Variants in FBLL1 observed in about 807,000 individuals in gnomAD.
FBLL1 encodes RNA 2'-O-methyltransferase FBLL1.
Under a neutral mutation model 5.7 loss-of-function variants are expected in FBLL1, and 6 were observed. The ratio of observed to expected loss-of-function variants is 1.05; its 90% CI spans 0.57 to 2.07. The LOEUF (loss-of-function observed/expected upper bound fraction) is 2.07, where lower values mean the gene tolerates loss of function less well. FBLL1 is among the 30% of genes most tolerant of loss of function. FBLL1 has a pLI of 0.00. For synonymous variants in FBLL1, 133 were observed against 75.1 expected (o/e 1.77, Z -3.99); for missense variants, 258 against 165.2 (o/e 1.56, Z -3.08).
chr5:168,530,077 C>A lies in FBLL1; in HGVS notation c.573C>A (p.Asp191Glu). 1.3e-6 allele frequency: 1 copy of A among 758,964 alleles called. No individual in the cohort carries two copies. The highest frequency in any genetic ancestry group is 2.4e-6 in the Non-Finnish European group (1 of 415,286). The allele number at this position is 758,964 out of a possible 1,614,324, so 47.0% of individuals were successfully genotyped here. Reference sequence around the variant, plus strand: ...GCACCACCGTCTCCCATGTCTCCGACATCATTGGCCCAGACGGCCTGGTCT... The same window carrying A: ...GCACCACCGTCTCCCATGTCTCCGAAATCATTGGCCCAGACGGCCTGGTCT... Reference protein sequence around the residue: ...ASGTTVSHVSDIIGPDGLVYA... With the variant: ...ASGTTVSHVSEIIGPDGLVYA... The change falls in exon 1 of 1, where the codon GAC (aspartate) becomes GAA (glutamate). Residue 191 changes from aspartate to glutamate, a missense_variant. Physicochemically the swap from Asp to Glu is conservative, Grantham distance 45. Transcript: ENST00000338333. This position sits in a 1 kb window ranked among gnomAD's most constrained non-coding sequence, Gnocchi z 4.9.
In FBLL1 at chr5:168,530,402, C is replaced by T. The variant is rs1285166742; in HGVS notation, c.898C>T (p.Gln300Ter). The change falls in exon 1 of 1, where the codon CAG becomes TAG. Residue 300 changes from glutamine (Q) to a stop codon, truncating the protein, a stop_gained. Coordinates refer to ENST00000338333, the MANE Select transcript of FBLL1 (RefSeq NM_001355274.2). LOFTEE classifies it high-confidence loss of function. This position sits in a 1 kb window ranked among gnomAD's most constrained non-coding sequence, Gnocchi z 4.9. ...TGCTTCTGAGGTGAGGAAGTTGCAG[C>T]AGGAGAACTTGAAGCCTCAAGAGCA... ...VFASEVRKLQ[Q>*]ENLKPQEQLT... The T allele has an allele frequency of 6.5e-6, 5 of 764,628 alleles. No homozygotes were observed. Among genetic ancestry groups the T allele is most frequent in the Non-Finnish European group, 1.2e-5 (5 of 417,666 alleles). 47.4% of individuals were successfully genotyped at this position (764,628 alleles called of 1,614,324 possible). A position where few individuals can be genotyped will look rare whatever the true frequency, so the allele number is the denominator to read the frequency against.
rs1247396401 is a variant in FBLL1, at chr5:168,529,637, G to C, written c.133G>C (p.Gly45Arg). Reference protein sequence around the residue: ...KGGGGDGGGQGGKGGFGARAR... With the variant: ...KGGGGDGGGQRGKGGFGARAR... ...CGGCGGGGGCGACGGCGGCGGCCAG[G>C]GGGGCAAGGGCGGCTTCGGGGCGCG... is the stretch of plus-strand genomic sequence containing the variant. The change falls in exon 1 of 1, where the codon GGG (glycine) becomes CGG (arginine). Residue 45 changes from glycine (G) to arginine (R), a missense_variant. Physicochemically the swap from Gly to Arg is moderately radical, Grantham distance 125. Transcript: ENST00000338333. This position sits in a 1 kb window ranked among gnomAD's most constrained non-coding sequence, Gnocchi z 7.2. The C allele has an allele frequency of 6.8e-6, 1 of 147,098 alleles. No homozygotes were observed. The highest frequency in any genetic ancestry group is 1.5e-5 in the Non-Finnish European group (1 of 66,218). 9.1% of individuals were successfully genotyped at this position (147,098 alleles called of 1,614,324 possible).
In FBLL1 at chr5:168,530,200, G is replaced by A. The variant is rs1248096429; in HGVS notation, c.696G>A (p.Pro232=). ...CGGTCCTGGAGGACGCGCGGCACCC[G>A]CTCAAGTACCGCATGCTCATCGGGA... The part of the protein sequence containing the change: ...IIPVLEDARH[P]LKYRMLIGMV... The change falls in exon 1 of 1, where the codon CCG becomes CCA. Residue 232 remains proline (P), a synonymous_variant. Coordinates refer to ENST00000338333, the MANE Select transcript of FBLL1 (RefSeq NM_001355274.2). The surrounding 1 kb of genome is among the most constrained non-coding windows in gnomAD (Gnocchi z 4.9). The A allele has an allele frequency of 3.9e-6, 3 of 765,456 alleles. No homozygotes were observed. The highest frequency in any genetic ancestry group is 2.2e-4 in the Middle Eastern group (1 of 4,462). 47.4% of individuals were successfully genotyped at this position (765,456 alleles called of 1,614,324 possible). A position where few individuals can be genotyped will look rare whatever the true frequency, so the allele number is the denominator to read the frequency against.
chr5:168,530,353 C>A lies in FBLL1; in HGVS notation c.849C>A (p.Ser283=). The A allele has an allele frequency of 1.3e-6, 1 of 765,498 alleles. No individual in the cohort carries two copies. The highest frequency in any genetic ancestry group is 2.4e-6 in the Non-Finnish European group (1 of 417,934). 47.4% of individuals were successfully genotyped at this position (765,498 alleles called of 1,614,324 possible). A position where few individuals can be genotyped will look rare whatever the true frequency, so the allele number is the denominator to read the frequency against. The change falls in exon 1 of 1, where the codon TCC becomes TCA. Residue 283 remains serine (S), a synonymous_variant. Coordinates refer to ENST00000338333, the MANE Select transcript of FBLL1 (RefSeq NM_001355274.2). The surrounding 1 kb of genome is among the most constrained non-coding windows in gnomAD (Gnocchi z 4.9). ...LISIKANCID[S]TASAEAVFAS... ...CCATCAAGGCCAACTGCATCGACTC[C>A]ACCGCATCCGCCGAGGCTGTGTTTG...
At position 168,530,159 on chromosome 5, in the gene FBLL1, C is replaced by T. The variant is rs758634740; in HGVS notation, c.655C>T (p.Arg219Cys). ...CGATCTGGTCAACGTGGCCAAGAAG[C>T]GCACCAACATCATTCCGGTCCTGGA... Reference protein sequence around the residue: ...GRDLVNVAKKRTNIIPVLEDA... With the variant: ...GRDLVNVAKKCTNIIPVLEDA... The change falls in exon 1 of 1, where the codon CGC (arginine) becomes TGC (cysteine). Residue 219 changes from arginine to cysteine, a missense_variant. By Grantham distance (180) the Arg-to-Cys change is radical. Transcript: ENST00000338333. The surrounding 1 kb of genome is among the most constrained non-coding windows in gnomAD (Gnocchi z 4.9). The T allele has an allele frequency of 5.2e-6, 4 of 764,884 alleles. No homozygotes were observed. The highest frequency in any genetic ancestry group is 9.6e-6 in the Non-Finnish European group (4 of 417,742). 47.4% of individuals were successfully genotyped at this position (764,884 alleles called of 1,614,324 possible).
At position 168,529,826 on chromosome 5, in the gene FBLL1, G is replaced by C. The variant is rs1439571972; in HGVS notation, c.322G>C (p.Val108Leu). 2.8e-6 allele frequency: 2 copies of C among 702,474 alleles called. No individual in the cohort carries two copies. Among genetic ancestry groups the C allele is most frequent in the African/African-American group, 3.5e-5 (2 of 57,296 alleles). 43.5% of individuals were successfully genotyped at this position (702,474 alleles called of 1,614,324 possible). Reference sequence around the variant, plus strand: ...GGTGGAGCCGCACCGGCACGAGGGCGTCTTCATCTACCGCGGGGCGGAGGA... The same window carrying C: ...GGTGGAGCCGCACCGGCACGAGGGCCTCTTCATCTACCGCGGGGCGGAGGA... ...VSVEPHRHEG[V>L]FIYRGAEDAL... The change falls in exon 1 of 1, where the codon GTC becomes CTC. Residue 108 changes from valine (V) to leucine (L), a missense_variant. Val to Leu is a conservative substitution (Grantham distance 32). Coordinates refer to ENST00000338333, the MANE Select transcript of FBLL1 (RefSeq NM_001355274.2). This position sits in a 1 kb window ranked among gnomAD's most constrained non-coding sequence, Gnocchi z 7.2.
In FBLL1 at chr5:168,530,370, C is replaced by T. The variant is rs1251718126; in HGVS notation, c.866C>T (p.Ala289Val). 6.5e-6 allele frequency: 5 copies of T among 765,236 alleles called. No homozygotes were observed. The highest frequency in any genetic ancestry group is 2.4e-6 in the Non-Finnish European group (1 of 417,856). 47.4% of individuals were successfully genotyped at this position (765,236 alleles called of 1,614,324 possible). A position where few individuals can be genotyped will look rare whatever the true frequency, so the allele number is the denominator to read the frequency against. Residue 289 changes from alanine to valine, a missense_variant, in exon 1 of 1, where the codon GCT becomes GTT. Ala to Val is a moderately conservative substitution (Grantham distance 64, BLOSUM62 0). Coordinates refer to ENST00000338333, the MANE Select transcript of FBLL1 (RefSeq NM_001355274.2). The surrounding 1 kb of genome is among the most constrained non-coding windows in gnomAD (Gnocchi z 4.9). ...NCIDSTASAEAVFASEVRKLQ... is the reference protein window; with the variant it reads ...NCIDSTASAEVVFASEVRKLQ... ...ATCGACTCCACCGCATCCGCCGAGG[C>T]TGTGTTTGCTTCTGAGGTGAGGAAG...
At position 168,530,526 on chromosome 5, in the gene FBLL1, G is replaced by A. The variant is rs776500205; in HGVS notation, c.*17G>A. ...AGCAAATAGCACCCAGCTCAGGCTC[G>A]CCTGCCATCTCCCCAAGGCTGCGTT... On this transcript the variant is annotated 3_prime_UTR_variant, in exon 1 of 1. Coordinates refer to ENST00000338333, the MANE Select transcript of FBLL1 (RefSeq NM_001355274.2). The surrounding 1 kb of genome is among the most constrained non-coding windows in gnomAD (Gnocchi z 4.9). The A allele has an allele frequency of 1.1e-5, 8 of 750,732 alleles. No homozygotes were observed. In the Admixed American group the frequency reaches 1.2e-4, roughly 11 times the overall value. The allele number at this position is 750,732 out of a possible 1,614,324, so 46.5% of individuals were successfully genotyped here.
rs374183682 is a variant in FBLL1, at chr5:168,530,199, C to T, written c.695C>T (p.Pro232Leu). The stretch of plus-strand genomic sequence containing the variant: ...CCGGTCCTGGAGGACGCGCGGCACC[C>T]GCTCAAGTACCGCATGCTCATCGGG... ...IIPVLEDARH[P>L]LKYRMLIGMV... Residue 232 changes from proline (P) to leucine (L), a missense_variant, in exon 1 of 1, where the codon CCG becomes CTG. Pro to Leu is a moderately conservative substitution (Grantham distance 98, BLOSUM62 -3). Coordinates refer to ENST00000338333, the MANE Select transcript of FBLL1 (RefSeq NM_001355274.2). The surrounding 1 kb of genome is among the most constrained non-coding windows in gnomAD (Gnocchi z 4.9). 1.8e-4 allele frequency: 140 copies of T among 765,470 alleles called. 1 individual carries two copies. Among genetic ancestry groups the T allele is most frequent in the Middle Eastern group, 2.2e-4 (1 of 4,462 alleles). The allele number at this position is 765,470 out of a possible 1,614,324, so 47.4% of individuals were successfully genotyped here.
rs371275529 is a variant in FBLL1, at chr5:168,530,222, G to C, written c.718G>C (p.Gly240Arg). 2.6e-6 allele frequency: 2 copies of C among 765,774 alleles called. No individual in the cohort carries two copies. Among genetic ancestry groups the C allele is most frequent in the Non-Finnish European group, 4.8e-6 (2 of 417,978 alleles). The allele number at this position is 765,774 out of a possible 1,614,324, so 47.4% of individuals were successfully genotyped here. Residue 240 changes from glycine to arginine, a missense_variant, in exon 1 of 1, where the codon GGG becomes CGG. Gly to Arg is a moderately radical substitution (Grantham distance 125). Transcript: ENST00000338333. This position sits in a 1 kb window ranked among gnomAD's most constrained non-coding sequence, Gnocchi z 4.9. ...RHPLKYRMLIGMVDVIFADVA... is the reference protein window; with the variant it reads ...RHPLKYRMLIRMVDVIFADVA... ...CCCGCTCAAGTACCGCATGCTCATC[G>C]GGATGGTGGACGTGATCTTCGCCGA...
rs754856758 is a variant in FBLL1, at chr5:168,530,066, C to T, written c.562C>T (p.His188Tyr). 2 of 758,248 alleles carry T rather than the reference C, an allele frequency of 2.6e-6. No individual in the cohort carries two copies. Among genetic ancestry groups the T allele is most frequent in the East Asian group, 2.5e-5 (1 of 40,718 alleles). The allele number at this position is 758,248 out of a possible 1,614,324, so 47.0% of individuals were successfully genotyped here. The change falls in exon 1 of 1, where the codon CAT (histidine) becomes TAT (tyrosine). Residue 188 changes from histidine (H) to tyrosine (Y), a missense_variant. By Grantham distance (83) the His-to-Tyr change is moderately conservative. Transcript: ENST00000338333. This position sits in a 1 kb window ranked among gnomAD's most constrained non-coding sequence, Gnocchi z 4.9. ...CGCCGCGTCGGGCACCACCGTCTCC[C>T]ATGTCTCCGACATCATTGGCCCAGA... ...LGAASGTTVSHVSDIIGPDGL... is the reference protein window; with the variant it reads ...LGAASGTTVSYVSDIIGPDGL...
rs774523998 is a variant in FBLL1, at chr5:168,529,712, G to A, written c.208G>A (p.Asp70Asn). ...CCGGGGCCGGGGGCGCGGCGGCGGC[G>A]ACGGCAAGGATCGCGGCGGCGGTGG... ...GGRGRGRGGG[D>N]GKDRGGGGQR... Residue 70 changes from aspartate to asparagine, a missense_variant, in exon 1 of 1, where the codon GAC becomes AAC. Physicochemically the swap from Asp to Asn is conservative, Grantham distance 23. Transcript: ENST00000338333. The surrounding 1 kb of genome is among the most constrained non-coding windows in gnomAD (Gnocchi z 7.2). The A allele has an allele frequency of 1.2e-5, 5 of 403,048 alleles. No homozygotes were observed. Among genetic ancestry groups the A allele is most frequent in the African/African-American group, 2.1e-5 (1 of 48,050 alleles). The allele number at this position is 403,048 out of a possible 1,614,324, so 25.0% of individuals were successfully genotyped here. A position where few individuals can be genotyped will look rare whatever the true frequency, so the allele number is the denominator to read the frequency against.
Position 168,530,209 on chromosome 5 carries a change from C to T in FBLL1, c.705C>T (p.Tyr235=). ...VLEDARHPLK[Y]RMLIGMVDVI... is the part of the protein sequence containing the mutation. ...AGGACGCGCGGCACCCGCTCAAGTACCGCATGCTCATCGGGATGGTGGACG... is the reference window on the plus strand; with the variant it reads ...AGGACGCGCGGCACCCGCTCAAGTATCGCATGCTCATCGGGATGGTGGACG... Residue 235 remains tyrosine (Y), a synonymous_variant, in exon 1 of 1, where the codon TAC becomes TAT. Coordinates refer to ENST00000338333, the MANE Select transcript of FBLL1 (RefSeq NM_001355274.2). The surrounding 1 kb of genome is among the most constrained non-coding windows in gnomAD (Gnocchi z 4.9). 1 of 765,678 alleles carries T rather than the reference C, an allele frequency of 1.3e-6. No individual in the cohort carries two copies. The highest frequency in any genetic ancestry group is 2.4e-6 in the Non-Finnish European group (1 of 417,966). 47.4% of individuals were successfully genotyped at this position (765,678 alleles called of 1,614,324 possible).
rs371275529 is a variant in FBLL1, at chr5:168,530,222, G to A, written c.718G>A (p.Gly240Arg). 9.1e-6 allele frequency: 7 copies of A among 765,656 alleles called. No homozygotes were observed. The highest frequency in any genetic ancestry group is 2.4e-6 in the Non-Finnish European group (1 of 417,986). The allele number at this position is 765,656 out of a possible 1,614,324, so 47.4% of individuals were successfully genotyped here. A position where few individuals can be genotyped will look rare whatever the true frequency, so the allele number is the denominator to read the frequency against. The change falls in exon 1 of 1, where the codon GGG becomes AGG. Residue 240 changes from glycine (G) to arginine (R), a missense_variant. Physicochemically the swap from Gly to Arg is moderately radical, Grantham distance 125. Coordinates refer to ENST00000338333, the MANE Select transcript of FBLL1 (RefSeq NM_001355274.2). The surrounding 1 kb of genome is among the most constrained non-coding windows in gnomAD (Gnocchi z 4.9). ...RHPLKYRMLIGMVDVIFADVA... is the reference protein window; with the variant it reads ...RHPLKYRMLIRMVDVIFADVA... ...CCCGCTCAAGTACCGCATGCTCATC[G>A]GGATGGTGGACGTGATCTTCGCCGA...
At position 168,529,837 on chromosome 5, in the gene FBLL1, C is replaced by G; in HGVS notation, c.333C>G (p.Tyr111Ter). ...ACCGGCACGAGGGCGTCTTCATCTACCGCGGGGCGGAGGACGCGCTGGTCA... is the reference window on the plus strand; with the variant it reads ...ACCGGCACGAGGGCGTCTTCATCTAGCGCGGGGCGGAGGACGCGCTGGTCA... Reference protein sequence around the residue: ...EPHRHEGVFIYRGAEDALVTL... With the variant: ...EPHRHEGVFI The change falls in exon 1 of 1, where the codon TAC becomes TAG. Residue 111 changes from tyrosine (Y) to a stop codon, truncating the protein, a stop_gained. Coordinates refer to ENST00000338333, the MANE Select transcript of FBLL1 (RefSeq NM_001355274.2). LOFTEE classifies it high-confidence loss of function. This position sits in a 1 kb window ranked among gnomAD's most constrained non-coding sequence, Gnocchi z 7.2. 1.4e-6 allele frequency: 1 copy of G among 704,038 alleles called. No individual in the cohort carries two copies. The allele number at this position is 704,038 out of a possible 1,614,324, so 43.6% of individuals were successfully genotyped here.
In FBLL1 at chr5:168,529,840, C is replaced by T. The variant is rs578228995; in HGVS notation, c.336C>T (p.Arg112=). 4.5e-4 allele frequency: 316 copies of T among 704,390 alleles called. No homozygotes were observed. Among genetic ancestry groups the T allele is most frequent in the Non-Finnish European group, 7.4e-4 (287 of 386,462 alleles). The allele number at this position is 704,390 out of a possible 1,614,324, so 43.6% of individuals were successfully genotyped here. A position where few individuals can be genotyped will look rare whatever the true frequency, so the allele number is the denominator to read the frequency against. ...GGCACGAGGGCGTCTTCATCTACCGCGGGGCGGAGGACGCGCTGGTCACGC... is the reference window on the plus strand; with the variant it reads ...GGCACGAGGGCGTCTTCATCTACCGTGGGGCGGAGGACGCGCTGGTCACGC... ...PHRHEGVFIY[R]GAEDALVTLN... is the part of the protein sequence containing the mutation. Residue 112 remains arginine, a synonymous_variant, in exon 1 of 1, where the codon CGC becomes CGT. Transcript: ENST00000338333. This position sits in a 1 kb window ranked among gnomAD's most constrained non-coding sequence, Gnocchi z 7.2.
Position 168,529,843 on chromosome 5 carries a change from G to A in FBLL1, c.339G>A (p.Gly113=). ...HRHEGVFIYR[G]AEDALVTLNM... is the part of the protein sequence containing the mutation. ...ACGAGGGCGTCTTCATCTACCGCGG[G>A]GCGGAGGACGCGCTGGTCACGCTGA... The change falls in exon 1 of 1, where the codon GGG becomes GGA. Residue 113 remains glycine (G), a synonymous_variant. Coordinates refer to ENST00000338333, the MANE Select transcript of FBLL1 (RefSeq NM_001355274.2). This position sits in a 1 kb window ranked among gnomAD's most constrained non-coding sequence, Gnocchi z 7.2. 1 of 705,160 alleles carries A rather than the reference G, an allele frequency of 1.4e-6. No homozygotes were observed. The allele number at this position is 705,160 out of a possible 1,614,324, so 43.7% of individuals were successfully genotyped here. A position where few individuals can be genotyped will look rare whatever the true frequency, so the allele number is the denominator to read the frequency against.
rs1318439458 is a variant in FBLL1 at position 168,530,338 on chromosome 5, C to T, written c.834C>T (p.Ala278=). Residue 278 remains alanine (A), a synonymous_variant, in exon 1 of 1, where the codon GCC becomes GCT. Transcript: ENST00000338333. This position sits in a 1 kb window ranked among gnomAD's most constrained non-coding sequence, Gnocchi z 4.9. ...NGGHFLISIK[A]NCIDSTASAE... ...GCCACTTTCTCATCTCCATCAAGGC[C>T]AACTGCATCGACTCCACCGCATCCG... is the stretch of plus-strand genomic sequence containing the variant. 1.3e-5 allele frequency: 10 copies of T among 765,578 alleles called. No individual in the cohort carries two copies. Among genetic ancestry groups the T allele is most frequent in the Non-Finnish European group, 2.2e-5 (9 of 417,940 alleles). The allele number at this position is 765,578 out of a possible 1,614,324, so 47.4% of individuals were successfully genotyped here. A position where few individuals can be genotyped will look rare whatever the true frequency, so the allele number is the denominator to read the frequency against.
At position 168,530,098 on chromosome 5, in the gene FBLL1, G is replaced by A. The variant is rs1472113464; in HGVS notation, c.594G>A (p.Leu198=). Residue 198 remains leucine, a synonymous_variant, in exon 1 of 1, where the codon CTG becomes CTA. Transcript: ENST00000338333. This position sits in a 1 kb window ranked among gnomAD's most constrained non-coding sequence, Gnocchi z 4.9. ...HVSDIIGPDG[L]VYAVEFSHRA... The stretch of plus-strand genomic sequence containing the variant: ...CCGACATCATTGGCCCAGACGGCCT[G>A]GTCTACGCCGTCGAGTTCTCCCACC... The A allele has an allele frequency of 1.3e-6, 1 of 759,950 alleles. No homozygotes were observed. The highest frequency in any genetic ancestry group is 1.7e-5 in the Admixed American group (1 of 58,144). 47.1% of individuals were successfully genotyped at this position (759,950 alleles called of 1,614,324 possible).
Sources: gnomAD v4.1 joint callset for allele counts on GRCh38, gnomAD v4.1.1 for gene constraint, Gnocchi (gnomAD v3.1) non-coding constraint, MANE v1.5 for transcripts, NCBI Gene and HGNC (gene_info 2026-07-23, HGNC 2026-07-21) for gene names.